AQR: variants seen among roughly 807,000 people sequenced by gnomAD.
The protein encoded by AQR is RNA helicase aquarius.
A neutral mutation model predicts 180.5 loss-of-function variants in AQR; 61 were observed. That is an observed-to-expected ratio of 0.34 (90% CI 0.28 to 0.42). The LOEUF (loss-of-function observed/expected upper bound fraction) is 0.42, where lower values mean the gene tolerates loss of function less well. Among genes scored for constraint, AQR ranks in the 10% least tolerant of loss-of-function variants. The probability of loss-of-function intolerance (pLI) is 1.00; values close to 1 mark genes in which losing one functional copy is unlikely to be tolerated. For synonymous variants in AQR, 551 were observed against 588.8 expected, an observed-to-expected ratio of 0.94 and a Z score of 0.93; for missense variants, 1,281 against 1,798.3, an observed-to-expected ratio of 0.71 and a Z score of 5.20.
chr15:34,923,135 T>G (rs1893706832), intron 13 of AQR, among the ~76,000 whole-genome samples: 1 of 152,218 alleles, frequency 6.6e-6, no homozygotes, highest in South Asian at 2.1e-4. Context: ...AGTATATTGT[T>G]ATAACTGTTC....
intron 20 of AQR, among the ~76,000 whole-genome samples, chr15:34,898,989 A>C (rs1893290858): frequency 6.7e-6 from 1 of 148,708 alleles, no homozygotes; most frequent in Non-Finnish European, 1.5e-5. Flanking sequence ...AACACGGTGA[A>C]ACCCTGTCTC....
intron 15 of AQR, among the ~76,000 whole-genome samples, chr15:34,916,442 C>CA (rs10711258): frequency 5.9e-4 from 88 of 149,742 alleles, no homozygotes; most frequent in Admixed American, 1.9e-3. Flanking sequence ...TCCATACTAC[C>CA]AAAAAAAAAA....
rs1188524616 is a variant in AQR at position 34,851,945 on chromosome 15, A to T, written c.*4847T>A. On this transcript the variant is annotated 3_prime_UTR_variant, in exon 35 of 35. Coordinates refer to ENST00000156471, the MANE Select transcript of AQR (RefSeq NM_014691.3). The stretch of plus-strand genomic sequence containing the variant: ...TGGTACATTGACCAAACTTTTATTC[A>T]TTTGCATTTTCAGGATGTTGCGATT... The T allele has an allele frequency of 6.6e-6, 1 of 152,144 alleles. No individual in the cohort carries two copies. Among genetic ancestry groups the T allele is most frequent in the Non-Finnish European group, 1.5e-5 (1 of 68,022 alleles). The allele number at this position is 152,144 out of a possible 1,614,324, so 9.4% of individuals were successfully genotyped here.
chr15:34,909,251 G>A (rs1300799330), intron 17 of AQR, among the ~76,000 whole-genome samples: 1 of 152,172 alleles, frequency 6.6e-6, no homozygotes, highest in Non-Finnish European at 1.5e-5. Context: ...ACTGACTACT[G>A]TTTCTCAAAA....
chr15:34,893,933 A>T (rs1893192613), intron 22 of AQR, among the ~76,000 whole-genome samples, 160 bp from the exon 23 acceptor site: 1 of 152,216 alleles, frequency 6.6e-6, no homozygotes, highest in Non-Finnish European at 1.5e-5. Context: ...GTGAACTTTG[A>T]GATAGATCAG....
intron 13 of AQR, among the ~76,000 whole-genome samples, chr15:34,922,088 A>C (rs952311731): frequency 1.3e-5 from 2 of 152,222 alleles, no homozygotes; most frequent in African/African-American, 4.8e-5. Flanking sequence ...CTGGGATTAC[A>C]GGTGTGAGCC....
chr15:34,958,512 T>C (rs1894363402), intron 3 of AQR, among the ~76,000 whole-genome samples: 1 of 152,186 alleles, frequency 6.6e-6, no homozygotes, highest in Non-Finnish European at 1.5e-5. Context: ...AGCAACCCTG[T>C]CACACATTGT....
intron 1 of AQR, among the ~76,000 whole-genome samples, chr15:34,969,251 A>G (rs74830780): frequency 1.4e-4 from 22 of 152,220 alleles, no homozygotes; most frequent in Middle Eastern, 3.4e-3. Context: ...ATTGCTCCTG[A>G]GACAAACTCC....
chr15:34,887,651 C>A (rs1161606580), intron 24 of AQR, among the ~76,000 whole-genome samples: 1 of 152,166 alleles, frequency 6.6e-6, no homozygotes, highest in Non-Finnish European at 1.5e-5. Flanking sequence ...AAGGGTCTCC[C>A]ATAACCCTTT....
At chr15:34,944,794 G>A (rs1230715969) in intron 5 of AQR, among the ~76,000 whole-genome samples, 2 of 152,128 alleles carry the variant, frequency 1.3e-5, no homozygotes, top group East Asian at 1.9e-4. Context: ...AGCAAAAATT[G>A]TAGTTTTCAC....
rs369307713 is a variant in AQR, at chr15:34,926,022, A to C, written c.1118+1013T>G. On this transcript the variant is annotated intron_variant, in intron 13 of 34. Transcript: ENST00000156471. ...CTCTACTAAAAATACAAAAAATTAG[A>C]CGGGCGTGGTGGCGGGCGCCTGTAG... 1.4e-4 allele frequency among the ~76,000 whole-genome samples: 21 copies of C among 147,316 alleles called. 3 individuals carry two copies. Among genetic ancestry groups the C allele is most frequent in the East Asian group, 6.3e-4 (3 of 4,776 alleles).
chr15:34,918,156 T>C, intron 15 of AQR, 102 bp downstream of exon 15: 7 of 1,230,648 alleles, frequency 5.7e-6, no homozygotes, highest in Non-Finnish European at 7.8e-6. Context: ...ATTATCCTAA[T>C]GTACAGAGTA....
At chr15:34,944,489 G>A in intron 5 of AQR, 61 bp from the exon 6 acceptor site, 1 of 1,476,792 alleles carries the variant, frequency 6.8e-7, no homozygotes, top group East Asian at 2.4e-5. Flanking sequence ...CTTTAAAGAA[G>A]CCCTAGTAGG....
intron 1 of AQR, 34 bp downstream of exon 1, chr15:34,969,505 C>A: frequency 6.2e-7 from 1 of 1,611,922 alleles, no homozygotes; most frequent in South Asian, 1.1e-5. Flanking sequence ...GACGTCCATA[C>A]CCACTCACAC....
chr15:34,856,876 G>A lies in AQR; in HGVS notation c.4374C>T (p.Thr1458=), dbSNP rs1313102872. 1.2e-6 allele frequency: 2 copies of A among 1,613,680 alleles called. No individual in the cohort carries two copies. The highest frequency in any genetic ancestry group is 2.2e-5 in the South Asian group (2 of 90,992). Residue 1458 remains threonine, a synonymous_variant, in exon 35 of 35, where the codon ACC becomes ACT. Coordinates refer to ENST00000156471, the MANE Select transcript of AQR (RefSeq NM_014691.3). ...CAGATACAGCTCCTACCACAGTAGG[G>A]GTGGTCTCAGATAAAGCAGGGATGG... is the stretch of plus-strand genomic sequence containing the variant. The part of the protein sequence containing the change: ...PEAIPALSET[T]PTVVGAVSAP...
At chr15:34,934,492 A>G (rs925534990) in intron 10 of AQR, 79 bp downstream of exon 10, 20 of 911,446 alleles carry the variant, frequency 2.2e-5, no homozygotes, top group Non-Finnish European at 3.1e-5. Flanking sequence ...AAAGAAAAAA[A>G]TACTTCATAT....
rs1892856617 is a variant in AQR at position 34,873,863 on chromosome 15, C to T, written c.3562G>A (p.Val1188Met). 1.2e-6 allele frequency: 2 copies of T among 1,606,110 alleles called. No individual in the cohort carries two copies. The highest frequency in any genetic ancestry group is 1.7e-6 in the Non-Finnish European group (2 of 1,175,728). The part of the protein sequence containing the change: ...QLINVEDFQG[V>M]GESEPNPYFY... ...TAAGGATTAGGTTCAGATTCTCCCACTCCTTGAAAATCTTCAACATTAATG... is the reference window on the plus strand; with the variant it reads ...TAAGGATTAGGTTCAGATTCTCCCATTCCTTGAAAATCTTCAACATTAATG... The change falls in exon 30 of 35, where the codon GTG (valine) becomes ATG (methionine). Residue 1188 changes from valine (V) to methionine (M), a missense_variant. By Grantham distance (21) the Val-to-Met change is conservative. Transcript: ENST00000156471.
chr15:34,856,437 G>A lies in AQR; in HGVS notation c.*355C>T, dbSNP rs978885182. ...CCAATTTGGACACTCAAGGGTATTC[G>A]TGGTTAAGTCCAGTATATTCTGTCC... is the stretch of plus-strand genomic sequence containing the variant. On this transcript the variant is annotated 3_prime_UTR_variant, in exon 35 of 35. Coordinates refer to ENST00000156471, the MANE Select transcript of AQR (RefSeq NM_014691.3). 6 of 398,048 alleles carry A rather than the reference G, an allele frequency of 1.5e-5. No individual in the cohort carries two copies. The highest frequency in any genetic ancestry group is 3.6e-5 in the East Asian group (1 of 27,950). The allele number at this position is 398,048 out of a possible 1,614,324, so 24.7% of individuals were successfully genotyped here. A position where few individuals can be genotyped will look rare whatever the true frequency, so the allele number is the denominator to read the frequency against.
chr15:34,965,645 T>G (rs751607494), intron 1 of AQR, among the ~76,000 whole-genome samples: 3 of 152,176 alleles, frequency 2.0e-5, no homozygotes, highest in Non-Finnish European at 4.4e-5. Flanking sequence ...CACTCCAGCC[T>G]GGGCGACAGA....
Sources: allele counts gnomAD v4.1 joint callset (sites outside exome capture counted in the v4.1 genomes callset), GRCh38; gene constraint gnomAD v4.1.1; transcripts MANE v1.5; gene names NCBI Gene and HGNC (gene_info 2026-07-23, HGNC 2026-07-21).